Variants in ASH1L observed in about 807,000 individuals in gnomAD.
ASH1L encodes the protein histone-lysine N-methyltransferase ASH1L.
A neutral mutation model predicts 269.0 loss-of-function variants in ASH1L; 23 were observed. The ratio of observed to expected loss-of-function variants is 0.09; its 90% CI spans 0.06 to 0.12. The LOEUF is 0.12. Among genes scored for constraint, ASH1L ranks in the 10% least tolerant of loss-of-function variants. The pLI is 1.00. For synonymous variants in ASH1L, 1,187 were observed against 1,253.5 expected (o/e 0.95, Z 1.12); for missense variants, 2,912 against 3,567.8 (o/e 0.82, Z 4.68).
chr1:155,374,230 TAGG>T (rs942218785), intron 10 of ASH1L, among the ~76,000 whole-genome samples: 2 of 151,246 alleles, frequency 1.3e-5, no homozygotes, highest in African/African-American at 4.9e-5. Flanking sequence ...GAGGCGGAGG[TAGG>T]AGAATCGCTT....
chr1:155,382,017 G>C (rs1657006483), intron 7 of ASH1L, among the ~76,000 whole-genome samples: 1 of 151,390 alleles, frequency 6.6e-6, no homozygotes, highest in East Asian at 1.9e-4. Context: ...GAACAGCCTG[G>C]CCAACATGGT....
intron 2 of ASH1L, among the ~76,000 whole-genome samples, chr1:155,506,460 G>A (rs184000456): frequency 6.6e-6 from 1 of 152,290 alleles, no homozygotes; most frequent in Non-Finnish European, 1.5e-5. Context: ...ACTTTGGGAG[G>A]CCGAAGTGGG....
In ASH1L at chr1:155,338,354, T is replaced by G; in HGVS notation, c.8538A>C (p.Leu2846=). The change falls in exon 27 of 28, where the codon CTA becomes CTC. Residue 2846 remains leucine (L), a synonymous_variant. Coordinates refer to ENST00000392403, the MANE Select transcript of ASH1L (RefSeq NM_018489.3). ...CATCATCCTCCTGGCCCAAGTCTTT[T>G]AGGGGTGGCTTTGAGCGCTCAGACT... ...SWKSERSKPP[L]KDLGQEDDAL... The G allele has an allele frequency of 3.7e-6, 6 of 1,613,924 alleles. No individual in the cohort carries two copies. Among genetic ancestry groups the G allele is most frequent in the Non-Finnish European group, 5.1e-6 (6 of 1,179,906 alleles).
chr1:155,490,113 C>T (rs1570966780), intron 2 of ASH1L, among the ~76,000 whole-genome samples: 1 of 151,704 alleles, frequency 6.6e-6, no homozygotes, highest in Non-Finnish European at 1.5e-5. Context: ...GGACTACGCC[C>T]GCCACCATGC....
At chr1:155,358,585 G>A (rs1398333848) in intron 13 of ASH1L, 2 of 151,978 alleles carry the variant, frequency 1.3e-5, no homozygotes, top group Admixed American at 1.3e-4. Context: ...CTACTCGGTA[G>A]GCTGAGGCAG....
At chr1:155,405,942 G>A (rs925014902) in intron 6 of ASH1L, among the ~76,000 whole-genome samples, 7 of 151,846 alleles carry the variant, frequency 4.6e-5, no homozygotes, top group African/African-American at 1.7e-4. Flanking sequence ...TGTAGCTCAC[G>A]TCTGTAATCC....
intron 2 of ASH1L, among the ~76,000 whole-genome samples, chr1:155,507,088 G>A (rs888768918): frequency 6.6e-6 from 1 of 152,106 alleles, no homozygotes; most frequent in African/African-American, 2.4e-5. Flanking sequence ...TTCGAAATGA[G>A]CCTGACCAAC....
chr1:155,375,921 C>T (rs1428505296), intron 10 of ASH1L, among the ~76,000 whole-genome samples: 1 of 152,078 alleles, frequency 6.6e-6, no homozygotes, highest in South Asian at 2.1e-4. Context: ...ATCGAGATCC[C>T]GTCTCTACTT....
In ASH1L at chr1:155,343,478, C is replaced by A; in HGVS notation, c.8129G>T (p.Arg2710Leu). The A allele has an allele frequency of 1.2e-6, 2 of 1,613,858 alleles. No homozygotes were observed. Among genetic ancestry groups the A allele is most frequent in the Non-Finnish European group, 1.7e-6 (2 of 1,179,880 alleles). Residue 2710 changes from arginine (R) to leucine (L), a missense_variant, in exon 24 of 28, where the codon CGG becomes CTG. Arg to Leu is a moderately radical substitution (Grantham distance 102). Coordinates refer to ENST00000392403, the MANE Select transcript of ASH1L (RefSeq NM_018489.3). This position sits in a 1 kb window ranked among gnomAD's most constrained non-coding sequence, Gnocchi z 6.1. The stretch of plus-strand genomic sequence containing the variant: ...GAAATAATGGTGACCAAAGGCAAAC[C>A]GTTCCTCTCTAAAACAATGGAAAAG... ...EKLWKNEKEE[R>L]FAFGHHYFRP...
At chr1:155,546,204 A>T (rs1670810049) in intron 1 of ASH1L, among the ~76,000 whole-genome samples, 1 of 147,430 alleles carries the variant, frequency 6.8e-6, no homozygotes, top group East Asian at 2.0e-4. Flanking sequence ...GGTGGCATGC[A>T]CCTGTGGTCC....
chr1:155,424,973 T>C (rs1661015121), intron 5 of ASH1L, among the ~76,000 whole-genome samples: 1 of 151,714 alleles, frequency 6.6e-6, no homozygotes, highest in South Asian at 2.1e-4. Context: ...CTGGCTAGTT[T>C]TTGTGTTTTT....
chr1:155,511,108 T>C (rs1283056520), intron 2 of ASH1L, among the ~76,000 whole-genome samples: 1 of 152,150 alleles, frequency 6.6e-6, no homozygotes, highest in Non-Finnish European at 1.5e-5. Flanking sequence ...CCATGATATG[T>C]GATACATAAA....
intron 13 of ASH1L, among the ~76,000 whole-genome samples, chr1:155,359,497 G>A (rs1243203468): frequency 3.3e-5 from 5 of 151,978 alleles, no homozygotes; most frequent in South Asian, 2.1e-4. Context: ...GGCTAATCTC[G>A]AACTCCCGAC....
chr1:155,442,298 A>C (rs879394350), intron 4 of ASH1L, among the ~76,000 whole-genome samples: 1 of 151,992 alleles, frequency 6.6e-6, no homozygotes, highest in East Asian at 1.9e-4. Flanking sequence ...TTAAAAAAAA[A>C]ACACAAAGGC....
chr1:155,534,161 G>A (rs1466146227), intron 1 of ASH1L, among the ~76,000 whole-genome samples: 3 of 147,356 alleles, frequency 2.0e-5, no homozygotes, highest in Admixed American at 6.8e-5. Flanking sequence ...GAAACAGGCC[G>A]AGATCCAATC....
rs1330857449 is a variant in ASH1L, at chr1:155,477,891, A to G, written c.4979T>C (p.Leu1660Ser). 6 of 1,597,074 alleles carry G rather than the reference A, an allele frequency of 3.8e-6. No individual in the cohort carries two copies. The highest frequency in any genetic ancestry group is 1.7e-5 in the Admixed American group (1 of 58,324). The change falls in exon 3 of 28, where the codon TTG becomes TCG. Residue 1660 changes from leucine to serine, a missense_variant. Leu to Ser is a moderately radical substitution (Grantham distance 145). Coordinates refer to ENST00000392403, the MANE Select transcript of ASH1L (RefSeq NM_018489.3). ...TAACAAAATAACCCTCTTACCTGCC[A>G]AAGTCTGTACTGCCCTTTCGTTAGA... ...LPSNERAVQT[L>S]AGSQPTSDKP...
At chr1:155,559,534 CAAAA>C (rs71270465) in intron 1 of ASH1L, among the ~76,000 whole-genome samples, 3 of 84,998 alleles carry the variant, frequency 3.5e-5, no homozygotes, top group African/African-American at 1.0e-4. Context: ...AACTCAGTCT[CAAAA>C]AAAAAAAAAA....
At chr1:155,535,750 T>C (rs1212155917) in intron 1 of ASH1L, among the ~76,000 whole-genome samples, 1 of 152,036 alleles carries the variant, frequency 6.6e-6, no homozygotes, top group African/African-American at 2.4e-5. Flanking sequence ...ATCCCAGCAC[T>C]TGGGAGGTTG....
intron 4 of ASH1L, among the ~76,000 whole-genome samples, chr1:155,440,184 C>T (rs1215282925): frequency 1.3e-5 from 2 of 151,894 alleles, no homozygotes; most frequent in South Asian, 2.1e-4. Flanking sequence ...TTCCTGTACC[C>T]GTAGTCCTAT....
Sources: allele counts gnomAD v4.1 joint callset (sites outside exome capture counted in the v4.1 genomes callset), GRCh38; gene constraint gnomAD v4.1.1; non-coding constraint Gnocchi (gnomAD v3.1); transcripts MANE v1.5; gene names NCBI Gene and HGNC (gene_info 2026-07-23, HGNC 2026-07-21).